VAT1L: variants seen among roughly 807,000 people sequenced by gnomAD.
The protein encoded by VAT1L is vesicle amine transport 1 like, also known as putative NADPH-dependent quinone oxidoreductase VAT1L.
A neutral mutation model predicts 44.1 loss-of-function variants in VAT1L; 34 were observed. That is an observed-to-expected ratio of 0.77 (90% confidence interval 0.59 to 1.03). The LOEUF (loss-of-function observed/expected upper bound fraction) is 1.03, where lower values mean the gene tolerates loss of function less well. Among genes scored for constraint, VAT1L ranks in the 50% least tolerant of loss-of-function variants. The pLI, the probability that VAT1L is intolerant of heterozygous loss-of-function variation, is 0.00. For missense variants in VAT1L, 615 were observed against 538.8 expected, an observed-to-expected ratio of 1.14 and a Z score of -1.40; for synonymous variants, 253 against 202.2, an observed-to-expected ratio of 1.25 and a Z score of -2.13.
At chr16:77,917,345 A>G (rs1163327987) in intron 7 of VAT1L, among the ~76,000 whole-genome samples, 1 of 152,210 alleles carries the variant, frequency 6.6e-6, no homozygotes, top group East Asian at 1.9e-4. Context: ...GCTGTGCTCC[A>G]TAATTTCCCG....
chr16:77,863,022 C>T, intron 4 of VAT1L, 132 bp downstream of exon 4: 6 of 1,146,724 alleles, frequency 5.2e-6, no homozygotes, highest in Non-Finnish European at 7.2e-6. Flanking sequence ...ATTATTAGCT[C>T]TGTGCCAAAT....
chr16:77,808,590 CTGTTTT>C (rs1466214734), intron 1 of VAT1L, among the ~76,000 whole-genome samples: 2 of 151,896 alleles, frequency 1.3e-5, no homozygotes, highest in South Asian at 2.1e-4. Context: ...AGTTTTGTTT[CTGTTTT>C]TGTTTTTGTT....
chr16:77,830,022 C>T (rs946392690), intron 3 of VAT1L, among the ~76,000 whole-genome samples: 54 of 152,214 alleles, frequency 3.5e-4, no homozygotes, highest in Admixed American at 9.8e-4. Flanking sequence ...TTGATGCTGT[C>T]ACTGGTCCAC....
At chr16:77,915,040 G>A (rs987180341) in intron 7 of VAT1L, among the ~76,000 whole-genome samples, 24 of 152,090 alleles carry the variant, frequency 1.6e-4, no homozygotes, top group East Asian at 5.8e-4. Context: ...CAGGAGAATC[G>A]CTTGAACCCG....
At chr16:77,911,789 G>A (rs1302727908) in intron 7 of VAT1L, among the ~76,000 whole-genome samples, 8 of 152,148 alleles carry the variant, frequency 5.3e-5, no homozygotes, top group Admixed American at 2.0e-4. Flanking sequence ...CAGGGAGTGG[G>A]GTCAGCTGTC....
At chr16:77,908,642 G>A (rs1030458467) in intron 7 of VAT1L, among the ~76,000 whole-genome samples, 3 of 151,924 alleles carry the variant, frequency 2.0e-5, no homozygotes, top group African/African-American at 4.8e-5. Flanking sequence ...GAGGCCGGGC[G>A]CGGTGACTCA....
At chr16:77,808,527 A>G (rs1388832353) in intron 1 of VAT1L, among the ~76,000 whole-genome samples, 1 of 152,174 alleles carries the variant, frequency 6.6e-6, no homozygotes, top group East Asian at 1.9e-4. Context: ...CCCTGGTGCC[A>G]AAAAGGTTTG....
chr16:77,917,052 G>A (rs1200472305), intron 7 of VAT1L, among the ~76,000 whole-genome samples: 1 of 152,126 alleles, frequency 6.6e-6, no homozygotes, highest in Non-Finnish European at 1.5e-5. Flanking sequence ...GAAGGATTTA[G>A]ATAAGAGATA....
At position 77,931,562 on chromosome 16, in the gene VAT1L, A is replaced by G. The variant is rs117453948; in HGVS notation, c.1078-40288A>G. On this transcript the variant is annotated intron_variant, in intron 7 of 8. Transcript: ENST00000302536. ...TCACCAGTTATATGAGACGTCACCC[A>G]ATTTTATACAGAAATTATATGCAAG... is the stretch of plus-strand genomic sequence containing the variant. Among the ~76,000 whole-genome samples the G allele has an allele frequency of 9.5e-3, 1,445 of 152,332 alleles. 8 individuals are homozygous for G. The highest frequency in any genetic ancestry group is 0.014 in the Non-Finnish European group (966 of 68,030).
intron 7 of VAT1L, among the ~76,000 whole-genome samples, chr16:77,899,896 T>C (rs1188856879): frequency 6.6e-6 from 1 of 152,248 alleles, no homozygotes; most frequent in Non-Finnish European, 1.5e-5. Context: ...CTCACCCAAA[T>C]GGCTACAAAT....
intron 4 of VAT1L, among the ~76,000 whole-genome samples, chr16:77,873,809 A>C (rs2017058542): frequency 6.6e-6 from 1 of 152,182 alleles, no homozygotes; most frequent in African/African-American, 2.4e-5. Flanking sequence ...TAAGGAGAGC[A>C]GGGGATAGGC....
intron 4 of VAT1L, among the ~76,000 whole-genome samples, chr16:77,873,499 A>T (rs1160958008): frequency 6.6e-6 from 1 of 152,164 alleles, no homozygotes; most frequent in African/African-American, 2.4e-5. Context: ...ACACTTGTGC[A>T]TTCCTCTGGT....
intron 7 of VAT1L, among the ~76,000 whole-genome samples, chr16:77,942,905 C>T (rs921892992): frequency 3.3e-5 from 5 of 151,388 alleles, no homozygotes; most frequent in African/African-American, 7.3e-5. Flanking sequence ...CCATCACACC[C>T]GGCTAATTTT....
intron 1 of VAT1L, among the ~76,000 whole-genome samples, chr16:77,809,467 T>A (rs1191784987): frequency 6.6e-6 from 1 of 152,182 alleles, no homozygotes; most frequent in Non-Finnish European, 1.5e-5. Flanking sequence ...ATCTTTTTTT[T>A]TTCCATGGGA....
intron 4 of VAT1L, 95 bp downstream of exon 4, chr16:77,862,985 G>GT: frequency 6.9e-7 from 1 of 1,442,870 alleles, no homozygotes; most frequent in Non-Finnish European, 9.4e-7. Flanking sequence ...ATAATAATAT[G>GT]TAGCAAACAT....
chr16:77,866,042 T>C (rs893677646), intron 4 of VAT1L, among the ~76,000 whole-genome samples: 4 of 152,126 alleles, frequency 2.6e-5, no homozygotes, highest in Non-Finnish European at 5.9e-5. Context: ...CCACAATTCA[T>C]TGTGTTTTTA....
chr16:77,851,443 G>A (rs1454721958), intron 3 of VAT1L, among the ~76,000 whole-genome samples: 2 of 152,112 alleles, frequency 1.3e-5, no homozygotes, highest in East Asian at 3.9e-4. Flanking sequence ...GAGGCCAGGA[G>A]CTCGAGACCA....
chr16:77,804,500 A>G (rs1197561631), intron 1 of VAT1L, among the ~76,000 whole-genome samples: 1 of 152,178 alleles, frequency 6.6e-6, no homozygotes, highest in Non-Finnish European at 1.5e-5. Flanking sequence ...TAATTTGGGC[A>G]TATGATCTGA....
At chr16:77,938,644 C>A (rs1357455995) in intron 7 of VAT1L, among the ~76,000 whole-genome samples, 1 of 152,106 alleles carries the variant, frequency 6.6e-6, no homozygotes, top group Non-Finnish European at 1.5e-5. Context: ...TACCTTCCAC[C>A]ATGATGGTAA....
Sources: allele counts gnomAD v4.1 joint callset (sites outside exome capture counted in the v4.1 genomes callset), GRCh38; gene constraint gnomAD v4.1.1; transcripts MANE v1.5; gene names NCBI Gene and HGNC (gene_info 2026-07-23, HGNC 2026-07-21).